The following KDM4C variants were observed in gnomAD, a reference collection of about 807,000 sequenced individuals.
KDM4C encodes the protein lysine demethylase 4C.
Under a neutral mutation model 129.3 loss-of-function variants are expected in KDM4C, and 81 were observed. The ratio of observed to expected loss-of-function variants is 0.63; its 90% CI spans 0.52 to 0.75. The LOEUF is 0.75. Ranked by LOEUF, KDM4C falls within the 30% of genes least tolerant of loss-of-function variation. The pLI is 0.00. For synonymous variants in KDM4C, 573 were observed against 456.1 expected, an observed-to-expected ratio of 1.26 and a Z score of -3.26; for missense variants, 1,457 against 1,304.0, an observed-to-expected ratio of 1.12 and a Z score of -1.81.
rs191124104 is a variant in KDM4C at position 6,746,804 on chromosome 9, C to A, written c.49+25807C>A. ...TGGGTGGATCACGAGGTCAGGAGATCGAGACCATCCTGGCTAACACGGTGA... is the reference window on the plus strand; with the variant it reads ...TGGGTGGATCACGAGGTCAGGAGATAGAGACCATCCTGGCTAACACGGTGA... On this transcript the variant is annotated intron_variant, in intron 1 of 17. Transcript: ENST00000536108. Among the ~76,000 whole-genome samples the A allele has an allele frequency of 3.4e-3, 510 of 149,066 alleles. 3 individuals carry two copies. Among genetic ancestry groups the A allele is most frequent in the African/African-American group, 0.012 (492 of 40,944 alleles).
intron 4 of KDM4C, among the ~76,000 whole-genome samples, chr9:6,818,732 AC>A (rs969492676): frequency 4.6e-5 from 7 of 152,180 alleles, no homozygotes; most frequent in African/African-American, 1.7e-4. Flanking sequence ...TTGGCCTTTT[AC>A]ACTTAACAAA....
chr9:6,994,238 C>G (rs1819282350), intron 12 of KDM4C, among the ~76,000 whole-genome samples: 1 of 152,080 alleles, frequency 6.6e-6, no homozygotes, highest in Admixed American at 6.5e-5. Context: ...GGCCTGTTTA[C>G]TAACAGGCCA....
At chr9:7,088,340 C>T (rs539609847) in intron 17 of KDM4C, among the ~76,000 whole-genome samples, 26 of 152,356 alleles carry the variant, frequency 1.7e-4, no homozygotes, top group Non-Finnish European at 2.4e-4. Flanking sequence ...TTTAATCCAG[C>T]TCTTGTTGTC....
chr9:6,834,832 C>G (rs1835573528), intron 4 of KDM4C: 3 of 1,381,342 alleles, frequency 2.2e-6, no homozygotes, highest in East Asian at 2.3e-5. Flanking sequence ...TGTTTGAGAC[C>G]TTCATCACCC....
chr9:6,943,956 C>G (rs552856581), intron 8 of KDM4C, among the ~76,000 whole-genome samples: 1 of 152,264 alleles, frequency 6.6e-6, no homozygotes, highest in Non-Finnish European at 1.5e-5. Flanking sequence ...TGTCAAACTC[C>G]AGACAGACTT....
chr9:6,825,112 C>T (rs1387438310), intron 4 of KDM4C, among the ~76,000 whole-genome samples: 2 of 144,496 alleles, frequency 1.4e-5, no homozygotes, highest in African/African-American at 5.2e-5. Flanking sequence ...TGCCATTGCA[C>T]TCCAGCCTGG....
intron 8 of KDM4C, among the ~76,000 whole-genome samples, chr9:6,952,431 A>AT (rs71506090): frequency 3.0e-4 from 42 of 138,384 alleles, no homozygotes; most frequent in East Asian, 8.7e-4. Flanking sequence ...ATATATATAT[A>AT]ATAATAATTA....
chr9:6,886,450 C>G (rs1331798464), intron 6 of KDM4C, among the ~76,000 whole-genome samples: 3 of 150,554 alleles, frequency 2.0e-5, no homozygotes, highest in Non-Finnish European at 3.0e-5. Context: ...GCAGCTAGGA[C>G]TACAGGCACG....
chr9:6,721,002 G>A (rs1816928260), intron 1 of KDM4C: 1 of 1,550,224 alleles, frequency 6.5e-7, no homozygotes, highest in African/African-American at 1.4e-5. Context: ...CTGCAGGTGA[G>A]TGCTGCTCTG....
At chr9:6,930,329 G>A (rs1284633634) in intron 8 of KDM4C, among the ~76,000 whole-genome samples, 1 of 152,050 alleles carries the variant, frequency 6.6e-6, no homozygotes, top group East Asian at 1.9e-4. Context: ...AGTTGTTTCT[G>A]TAAGTTTCTC....
intron 1 of KDM4C, among the ~76,000 whole-genome samples, chr9:6,780,031 C>A (rs570595313): frequency 9.9e-4 from 150 of 152,226 alleles, no homozygotes; most frequent in Middle Eastern, 3.4e-3. Context: ...ACTATAGTAG[C>A]TCTGACTCAC....
At chr9:6,749,104 C>G in intron 1 of KDM4C, 2 of 439,096 alleles carry the variant, frequency 4.6e-6, no homozygotes, top group East Asian at 1.1e-4. Flanking sequence ...CCTGCAACCT[C>G]TGCCTCCTAG....
chr9:6,814,818 A>AT lies in KDM4C; in HGVS notation c.435+73_435+74insT, dbSNP rs1831782752. The AT allele has an allele frequency of 6.5e-6, 6 of 917,090 alleles. No homozygotes were observed. In the East Asian group the frequency reaches 1.6e-4, roughly 25 times the overall value. The allele number at this position is 917,090 out of a possible 1,614,324, so 56.8% of individuals were successfully genotyped here. A position where few individuals can be genotyped will look rare whatever the true frequency, so the allele number is the denominator to read the frequency against. On this transcript the variant is annotated intron_variant, in intron 4 of 21. Transcript: ENST00000381309. ...AGTTTTGTTACCATTTAAGCAGTTT[A>AT]GAAGTGTTCTTTTGTTGTGCTTTTG...
intron 15 of KDM4C, among the ~76,000 whole-genome samples, chr9:7,016,684 C>T (rs772808095): frequency 7.9e-5 from 12 of 151,998 alleles, no homozygotes; most frequent in Non-Finnish European, 1.5e-4. Context: ...CCTCGGCCTC[C>T]CAAAATGCTA....
At chr9:6,904,821 G>C (rs1157333523) in intron 8 of KDM4C, among the ~76,000 whole-genome samples, 1 of 152,104 alleles carries the variant, frequency 6.6e-6, no homozygotes, top group Non-Finnish European at 1.5e-5. Context: ...GAAGATACGA[G>C]AGGAAAAAGT....
chr9:7,142,138 T>C (rs1417778765), intron 19 of KDM4C, among the ~76,000 whole-genome samples: 4 of 152,244 alleles, frequency 2.6e-5, no homozygotes, highest in African/African-American at 7.2e-5. Context: ...ATTACACATA[T>C]GTAGACTTGG....
At chr9:6,847,840 T>C (rs1838133946) in intron 4 of KDM4C, among the ~76,000 whole-genome samples, 1 of 152,212 alleles carries the variant, frequency 6.6e-6, no homozygotes, top group Non-Finnish European at 1.5e-5. Flanking sequence ...GAGTCAGAGT[T>C]TCATTAGCTG....
chr9:6,878,794 CCCCCACACCCACA>C (rs1182164879), intron 5 of KDM4C, among the ~76,000 whole-genome samples: 1 of 151,638 alleles, frequency 6.6e-6, no homozygotes, highest in Admixed American at 6.6e-5. Context: ...AAGGGACATA[CCCCCACACCCACA>C]CCCACACCCA....
At chr9:6,742,997 C>G (rs772038974) in intron 1 of KDM4C, among the ~76,000 whole-genome samples, 2 of 151,714 alleles carry the variant, frequency 1.3e-5, no homozygotes, top group Non-Finnish European at 2.9e-5. Context: ...GGTGACAGGG[C>G]GAGGCTCAGT....
Sources: gnomAD v4.1 joint callset for allele counts (sites outside exome capture counted in the v4.1 genomes callset) on GRCh38, gnomAD v4.1.1 for gene constraint, MANE v1.5 for transcripts, NCBI Gene and HGNC (gene_info 2026-07-23, HGNC 2026-07-21) for gene names.